Variants in TENM2 observed in about 807,000 individuals in gnomAD.
The protein encoded by TENM2 is teneurin-2.
Under a neutral mutation model 245.2 loss-of-function variants are expected in TENM2, and 52 were observed. The ratio of observed to expected loss-of-function variants is 0.21; its 90% CI spans 0.17 to 0.27. TENM2 has a LOEUF of 0.27. Ranked by LOEUF, TENM2 falls within the 10% of genes least tolerant of loss-of-function variation. The pLI, the probability that TENM2 is intolerant of heterozygous loss-of-function variation, is 1.00. For synonymous variants in TENM2, 1,363 were observed against 1,438.9 expected (o/e 0.95, Z 1.19); for missense variants, 3,046 against 3,666.8 (o/e 0.83, Z 4.37).
chr5:167,313,390 C>T (rs908976480), intron 1 of TENM2, among the ~76,000 whole-genome samples: 3 of 152,048 alleles, frequency 2.0e-5, no homozygotes, highest in Non-Finnish European at 4.4e-5. Flanking sequence ...CCTTATAATC[C>T]CAGCACTTTG....
At chr5:167,943,337 T>C (rs529030207) in intron 3 of TENM2, among the ~76,000 whole-genome samples, 82 of 152,254 alleles carry the variant, frequency 5.4e-4, no homozygotes, top group African/African-American at 1.8e-3. Context: ...AAATCAAAAT[T>C]ATATTTTATC....
intron 4 of TENM2, among the ~76,000 whole-genome samples, chr5:167,971,090 C>T (rs1170659393): frequency 6.6e-6 from 1 of 152,132 alleles, no homozygotes; most frequent in Non-Finnish European, 1.5e-5. Context: ...TAATACCATT[C>T]AGTTTGGGGA....
At chr5:167,615,020 A>G (rs1280402821) in intron 2 of TENM2, among the ~76,000 whole-genome samples, 1 of 152,116 alleles carries the variant, frequency 6.6e-6, no homozygotes. Flanking sequence ...CATATAAGTT[A>G]TGTTTATGTA....
intron 4 of TENM2, among the ~76,000 whole-genome samples, chr5:167,969,541 C>T (rs528719104): frequency 2.0e-4 from 30 of 152,248 alleles, no homozygotes; most frequent in Non-Finnish European, 3.1e-4. Flanking sequence ...CCCCTTTCAA[C>T]ATATCAGGAA....
At chr5:167,828,420 C>T (rs990132022) in intron 2 of TENM2, among the ~76,000 whole-genome samples, 1 of 152,202 alleles carries the variant, frequency 6.6e-6, no homozygotes, top group African/African-American at 2.4e-5. Context: ...AAGCGATAGT[C>T]TGCATGTGTA....
intron 2 of TENM2, among the ~76,000 whole-genome samples, chr5:167,754,364 T>C (rs1317114594): frequency 6.6e-6 from 1 of 152,208 alleles, no homozygotes; most frequent in Non-Finnish European, 1.5e-5. Context: ...CCATTTCACA[T>C]ACAGGTGCTT....
intron 2 of TENM2, among the ~76,000 whole-genome samples, chr5:167,716,403 G>T (rs1273509867): frequency 2.0e-5 from 3 of 152,158 alleles, no homozygotes; most frequent in African/African-American, 7.2e-5. Flanking sequence ...TCATCTGAGA[G>T]TTTATACCAA....
In TENM2 at chr5:167,492,162, T is replaced by C. The variant is rs1030792704; in HGVS notation, c.502+116689T>C. Reference sequence around the variant, plus strand: ...TTATAGAAATAGTTGGAATTTAAATTACATTACATACTTAGTAAATGTCTG... The same window carrying C: ...TTATAGAAATAGTTGGAATTTAAATCACATTACATACTTAGTAAATGTCTG... On this transcript the variant is annotated intron_variant, in intron 2 of 28. Coordinates refer to ENST00000518659, the Ensembl canonical transcript of TENM2. Among the ~76,000 whole-genome samples, 3 of 152,166 alleles carry C rather than the reference T, an allele frequency of 2.0e-5. No individual in the cohort carries two copies. The East Asian group carries it at 5.8e-4, about 29-fold the overall frequency.
intron 2 of TENM2, among the ~76,000 whole-genome samples, chr5:167,597,171 T>C (rs1326409003): frequency 6.7e-6 from 1 of 150,212 alleles, no homozygotes; most frequent in Non-Finnish European, 1.5e-5. Context: ...TTTTCTTTTT[T>C]TTTTTTTTTT....
At chr5:167,461,676 G>A (rs1226424620) in intron 2 of TENM2, among the ~76,000 whole-genome samples, 2 of 152,070 alleles carry the variant, frequency 1.3e-5, no homozygotes, top group African/African-American at 4.8e-5. Flanking sequence ...TCTTAATTCT[G>A]TCCTAAGCAC....
At chr5:168,181,699 CAG>C (rs1471209745) in intron 13 of TENM2, among the ~76,000 whole-genome samples, 3 of 106,742 alleles carry the variant, frequency 2.8e-5, no homozygotes, top group African/African-American at 1.1e-4. Flanking sequence ...TTTTTTGAGA[CAG>C]AGTCTCGCTT....
At position 167,336,978 on chromosome 5, in the gene TENM2, G is replaced by A. The variant is rs565307452; in HGVS notation, c.227-38220G>A. 2.7e-4 allele frequency among the ~76,000 whole-genome samples: 41 copies of A among 150,246 alleles called. No individual in the cohort carries two copies. The East Asian group carries it at 7.6e-3, about 28-fold the overall frequency. The stretch of plus-strand genomic sequence containing the variant: ...TAAAAATACAAAAAATTAGCCGGGC[G>A]CGGTGGCGGGCGCCTGTAGTCCCAG... On this transcript the variant is annotated intron_variant, in intron 1 of 28. Coordinates refer to ENST00000518659, the Ensembl canonical transcript of TENM2.
intron 2 of TENM2, among the ~76,000 whole-genome samples, chr5:167,776,628 C>CAAAAAAAAAAAAAAAAAA: frequency 4.6e-5 from 1 of 21,542 alleles, no homozygotes. Context: ...AAAAAAAAAC[C>CAAAAAAAAAAAAAAAAAA]ATATATATGT....
intron 3 of TENM2, among the ~76,000 whole-genome samples, chr5:167,909,152 A>C (rs1776351554): frequency 6.6e-6 from 1 of 151,884 alleles, no homozygotes; most frequent in Admixed American, 6.6e-5. Flanking sequence ...GAAGAAGAGG[A>C]AACAAACTAG....
At chr5:168,133,576 C>G (rs546018950) in intron 12 of TENM2, among the ~76,000 whole-genome samples, 1 of 152,326 alleles carries the variant, frequency 6.6e-6, no homozygotes, top group African/African-American at 2.4e-5. Context: ...GGGACAGATA[C>G]AGCAGAGTGC....
At chr5:167,261,016 G>C in the TENM2 span, among the ~76,000 whole-genome samples, 6 of 152,114 alleles carry the variant, frequency 3.9e-5, no homozygotes, top group African/African-American at 7.2e-5. Flanking sequence ...AGAAAACATG[G>C]AAAACTTAAA....
the TENM2 span, among the ~76,000 whole-genome samples, chr5:167,158,420 A>G: frequency 2.6e-5 from 4 of 152,062 alleles, no homozygotes; most frequent in African/African-American, 9.7e-5. Context: ...CCCAGGACAT[A>G]TCCCTAGATC....
At chr5:167,411,715 C>G (rs985520152) in intron 2 of TENM2, among the ~76,000 whole-genome samples, 2 of 151,776 alleles carry the variant, frequency 1.3e-5, no homozygotes, top group African/African-American at 4.8e-5. Context: ...ATGAAGTAAT[C>G]TAGGAAACAT....
At chr5:168,139,610 T>C (rs990408401) in intron 12 of TENM2, 3 of 455,860 alleles carry the variant, frequency 6.6e-6, no homozygotes, top group Non-Finnish European at 1.3e-5. Context: ...GAGGGCACTA[T>C]GAATTAAGTA....
Sources: allele counts gnomAD v4.1 joint callset (sites outside exome capture counted in the v4.1 genomes callset), GRCh38; gene constraint gnomAD v4.1.1; transcripts MANE v1.5; gene names NCBI Gene and HGNC (gene_info 2026-07-23, HGNC 2026-07-21).